EIF4E3: variants seen among roughly 807,000 people sequenced by gnomAD.
The protein encoded by EIF4E3 is eukaryotic translation initiation factor 4E type 3.
In EIF4E3, 26 loss-of-function variants were observed where a neutral mutation model predicts 31.7. That is an observed-to-expected ratio of 0.82 (90% CI 0.60 to 1.14). The LOEUF is 1.14. Among genes scored for constraint, EIF4E3 ranks in the 50% most tolerant of loss-of-function variants. The pLI is 0.00. For synonymous variants in EIF4E3, 128 were observed against 107.7 expected (o/e 1.19, Z -1.17); for missense variants, 304 against 270.9 (o/e 1.12, Z -0.86).
At chr3:71,744,640 G>T (rs2049853238) in intron 1 of EIF4E3, among the ~76,000 whole-genome samples, 1 of 152,186 alleles carries the variant, frequency 6.6e-6, no homozygotes, top group Non-Finnish European at 1.5e-5. Flanking sequence ...AGCTACTCAG[G>T]TGGCTGAGGC....
chr3:71,740,170 G>T (rs2049805744), intron 1 of EIF4E3, among the ~76,000 whole-genome samples: 1 of 151,752 alleles, frequency 6.6e-6, no homozygotes, highest in Non-Finnish European at 1.5e-5. Context: ...ATAAAAATAG[G>T]AAAAAGGAAG....
chr3:71,748,288 C>CAT (rs1451321307), intron 1 of EIF4E3, among the ~76,000 whole-genome samples: 3 of 152,086 alleles, frequency 2.0e-5, no homozygotes, highest in Non-Finnish European at 2.9e-5. Context: ...GCTGACTTCT[C>CAT]ATATATATGG....
chr3:71,751,280 G>A (rs1423651157), intron 1 of EIF4E3, among the ~76,000 whole-genome samples: 2 of 152,126 alleles, frequency 1.3e-5, no homozygotes, highest in African/African-American at 4.8e-5. Flanking sequence ...TTGAAAGTAA[G>A]TGTAAAGTAA....
At chr3:71,717,616 T>C (rs1462898864) in intron 1 of EIF4E3, among the ~76,000 whole-genome samples, 2 of 152,198 alleles carry the variant, frequency 1.3e-5, no homozygotes, top group Non-Finnish European at 2.9e-5. Context: ...CCAGCTCCGA[T>C]ACTTTAGGAT....
At chr3:71,737,811 AG>A (rs1382229019) in intron 1 of EIF4E3, among the ~76,000 whole-genome samples, 2 of 152,104 alleles carry the variant, frequency 1.3e-5, no homozygotes, top group Non-Finnish European at 2.9e-5. Flanking sequence ...ACAACAACAG[AG>A]ATTTTTTTCA....
chr3:71,692,019 G>A (rs1466266349), intron 5 of EIF4E3, among the ~76,000 whole-genome samples: 2 of 152,152 alleles, frequency 1.3e-5, no homozygotes, highest in Non-Finnish European at 2.9e-5. Flanking sequence ...GTAACTGATG[G>A]ATGCCGAACT....
At chr3:71,718,209 G>A (rs1029887685) in intron 1 of EIF4E3, among the ~76,000 whole-genome samples, 2 of 152,142 alleles carry the variant, frequency 1.3e-5, no homozygotes, top group African/African-American at 4.8e-5. Context: ...TATGCCCCTC[G>A]TATGCCATTC....
chr3:71,725,736 G>T (rs548617635), upstream of EIF4E3, among the ~76,000 whole-genome samples: 1 of 152,280 alleles, frequency 6.6e-6, no homozygotes, highest in African/African-American at 2.4e-5. The surrounding 1 kb of genome is among the most constrained non-coding windows in gnomAD (Gnocchi z 6.1). Flanking sequence ...TGGCTCTGCA[G>T]CCATGCAAAA....
At chr3:71,749,013 A>G (rs2049900243) in intron 1 of EIF4E3, among the ~76,000 whole-genome samples, 2 of 152,266 alleles carry the variant, frequency 1.3e-5, no homozygotes, top group Admixed American at 1.3e-4. Context: ...GAAATACAAA[A>G]GTCAATTAAA....
In EIF4E3 at chr3:71,691,589, C is replaced by T. The variant is rs533972501; in HGVS notation, c.473-1424G>A. ...GGAAAGAGAGCAGGGGGGATCCTGG[C>T]GGGCTGGTAATGTCCTGCTTGTACA... On this transcript the variant is annotated intron_variant, in intron 5 of 6. Transcript: ENST00000425534. Among the ~76,000 whole-genome samples the T allele has an allele frequency of 9.9e-5, 15 of 152,250 alleles. No individual in the cohort carries two copies. The South Asian group carries it at 1.5e-3, about 15-fold the overall frequency.
chr3:71,724,069 C>A (rs1331227180), intron 1 of EIF4E3, among the ~76,000 whole-genome samples: 1 of 152,136 alleles, frequency 6.6e-6, no homozygotes, highest in Non-Finnish European at 1.5e-5. Context: ...TTTGTGTGTA[C>A]CAAGCAAACT....
chr3:71,712,852 C>CAAAAAAAAAA, intron 1 of EIF4E3, among the ~76,000 whole-genome samples: 1 of 121,234 alleles, frequency 8.2e-6, no homozygotes, highest in Non-Finnish European at 1.7e-5. Context: ...TAACCTAGAC[C>CAAAAAAAAAA]AAAAAAAAAA....
chr3:71,694,014 A>G, intron 4 of EIF4E3, 73 bp from the exon 5 acceptor site: 11 of 1,408,980 alleles, frequency 7.8e-6, no homozygotes, highest in Middle Eastern at 2.2e-4. Flanking sequence ...CTCAGGAGCT[A>G]AACAAATTAT....
upstream of EIF4E3, among the ~76,000 whole-genome samples, chr3:71,730,047 C>T (rs2049688594): frequency 6.6e-6 from 1 of 152,136 alleles, no homozygotes; most frequent in South Asian, 2.1e-4. Flanking sequence ...TCTTCAGTGC[C>T]GGTAGGTACA....
chr3:71,731,862 T>A (rs1400284934), intron 1 of EIF4E3, among the ~76,000 whole-genome samples: 2 of 152,186 alleles, frequency 1.3e-5, no homozygotes, highest in Non-Finnish European at 2.9e-5. Context: ...ACCCCCTTTT[T>A]CAAATGCATT....
At chr3:71,690,478 T>C (rs1270396379) in intron 5 of EIF4E3, among the ~76,000 whole-genome samples, 1 of 152,204 alleles carries the variant, frequency 6.6e-6, no homozygotes, top group African/African-American at 2.4e-5. Flanking sequence ...TCTTACTCTG[T>C]TTTGATGAGA....
At chr3:71,704,481 G>A (rs2049262851) in intron 2 of EIF4E3, among the ~76,000 whole-genome samples, 1 of 152,224 alleles carries the variant, frequency 6.6e-6, no homozygotes, top group Non-Finnish European at 1.5e-5. Context: ...CTGGCCGGGA[G>A]GGCCTGCCAC....
rs960416255 is a variant in EIF4E3 at position 71,725,294 on chromosome 3, G to A, written c.74C>T (p.Ala25Val). The A allele has an allele frequency of 1.2e-5, 12 of 1,001,150 alleles. No homozygotes were observed. In the East Asian group the frequency reaches 8.0e-4, roughly 67 times the overall value. The allele number at this position is 1,001,150 out of a possible 1,614,324, so 62.0% of individuals were successfully genotyped here. A position where few individuals can be genotyped will look rare whatever the true frequency, so the allele number is the denominator to read the frequency against. The part of the protein sequence containing the change: ...EPPGSRAAAA[A>V]AAPEPPLGLQ... ...GCCGAGCGGCGGCTCGGGGGCGGCG[G>A]CAGCGGCGGCGGCGCGGGACCCCGG... The change falls in exon 1 of 7, where the codon GCC becomes GTC. Residue 25 changes from alanine (A) to valine (V), a missense_variant. Transcript: ENST00000425534. The surrounding 1 kb of genome is among the most constrained non-coding windows in gnomAD (Gnocchi z 6.1).
downstream of EIF4E3, among the ~76,000 whole-genome samples, chr3:71,674,867 T>G (rs573813844): frequency 1.4e-3 from 207 of 152,330 alleles, no homozygotes; most frequent in Admixed American, 2.9e-3. Context: ...AGGAGGAAAC[T>G]GGGGCTCAGA....
Sources: gnomAD v4.1 joint callset for allele counts (sites outside exome capture counted in the v4.1 genomes callset) on GRCh38, gnomAD v4.1.1 for gene constraint, Gnocchi (gnomAD v3.1) non-coding constraint, MANE v1.5 for transcripts, NCBI Gene and HGNC (gene_info 2026-07-23, HGNC 2026-07-21) for gene names.